The following NMRK2 variants were observed in gnomAD, a reference collection of about 807,000 sequenced individuals.
NMRK2 encodes the protein nicotinamide riboside kinase 2.
NMRK2 carries 34 observed loss-of-function variants against 24.7 expected under a neutral mutation model. The observed-to-expected ratio is 1.37, with a 90% CI of 1.05 to 1.83. The LOEUF (loss-of-function observed/expected upper bound fraction) is 1.83. Ranked by LOEUF, NMRK2 falls within the 40% of genes most tolerant of loss-of-function variation. The pLI is 0.00. For synonymous variants in NMRK2, 145 were observed against 125.6 expected, an observed-to-expected ratio of 1.15 and a Z score of -1.03; for missense variants, 341 against 315.0, an observed-to-expected ratio of 1.08 and a Z score of -0.62.
chr19:3,940,962 C>A, intron 6 of NMRK2, 109 bp from the exon 7 acceptor site: 1 of 688,670 alleles, frequency 1.5e-6, no homozygotes, highest in Non-Finnish European at 2.5e-6. Flanking sequence ...GGTCCCCTTG[C>A]TCAGAGGTTC....
chr19:3,939,181 G>C (rs1159004071), intron 5 of NMRK2, among the ~76,000 whole-genome samples: 2 of 150,494 alleles, frequency 1.3e-5, no homozygotes, highest in Non-Finnish European at 3.0e-5. Context: ...GGAGACCCAG[G>C]AGCAGAGCCA....
chr19:3,937,745 C>T (rs1277990406), intron 4 of NMRK2, among the ~76,000 whole-genome samples: 1 of 107,510 alleles, frequency 9.3e-6, no homozygotes. Context: ...CCCCGGGGTC[C>T]GCCCTCCTGC....
In NMRK2 at chr19:3,941,087, G is replaced by T. The variant is rs1383674547; in HGVS notation, c.412G>T (p.Val138Phe). Reference sequence around the variant, plus strand: ...CCTCTGCAGTACCCGCAACTACACAGTCCCTGATCCCCCCGGCCTCTTCGA... The same window carrying T: ...CCTCTGCAGTACCCGCAACTACACATTCCCTGATCCCCCCGGCCTCTTCGA... ...KWRRSTRNYTVPDPPGLFDGH... is the reference protein window; with the variant it reads ...KWRRSTRNYTFPDPPGLFDGH... The change falls in exon 7 of 8, where the codon GTC becomes TTC. Residue 138 changes from valine to phenylalanine, a missense_variant. By Grantham distance (50) the Val-to-Phe change is conservative. Coordinates refer to ENST00000168977, the MANE Select transcript of NMRK2 (RefSeq NM_170678.3). 1 of 1,613,266 alleles carries T rather than the reference G, an allele frequency of 6.2e-7. No individual in the cohort carries two copies. Among genetic ancestry groups the T allele is most frequent in the East Asian group, 2.2e-5 (1 of 44,870 alleles).
At chr19:3,941,937 G>T (rs551747052) in intron 7 of NMRK2, 146 bp from the exon 8 acceptor site, 6 of 638,642 alleles carry the variant, frequency 9.4e-6, no homozygotes, top group Non-Finnish European at 1.6e-5. Context: ...CACCGCGCCC[G>T]GCCCCCTCTT....
At position 3,941,486 on chromosome 19, in the gene NMRK2, T is replaced by C. The variant is rs553426804; in HGVS notation, c.502+309T>C. Among the ~76,000 whole-genome samples, 7 of 147,918 alleles carry C rather than the reference T, an allele frequency of 4.7e-5. No individual in the cohort carries two copies. In the South Asian group the frequency reaches 1.5e-3, roughly 32 times the overall value. Reference sequence around the variant, plus strand: ...CAGGCTGGTCTCGAACTCCTGACCTTAGGTGATCTGCCCTCCTTGGTCTCC... The same window carrying C: ...CAGGCTGGTCTCGAACTCCTGACCTCAGGTGATCTGCCCTCCTTGGTCTCC... On this transcript the variant is annotated intron_variant, in intron 7 of 7. Transcript: ENST00000168977.
chr19:3,935,541 C>T (rs2039199017), intron 2 of NMRK2, among the ~76,000 whole-genome samples: 1 of 151,878 alleles, frequency 6.6e-6, no homozygotes, highest in African/African-American at 2.4e-5. Context: ...CAGGCATGAC[C>T]CACCACGACC....
chr19:3,934,024 G>A (rs938410617), intron 2 of NMRK2, among the ~76,000 whole-genome samples: 4 of 152,128 alleles, frequency 2.6e-5, no homozygotes, highest in Non-Finnish European at 5.9e-5. Flanking sequence ...GAGGCGGGTG[G>A]ATCACCTGAG....
intron 1 of NMRK2, 137 bp from the exon 2 acceptor site, chr19:3,933,321 G>T: frequency 3.0e-6 from 1 of 334,452 alleles, no homozygotes; most frequent in Non-Finnish European, 5.5e-6. Flanking sequence ...GGAAGAGGGT[G>T]GGGGTGGAGA....
At chr19:3,940,062 GGGGGC>G in intron 6 of NMRK2, 91 bp downstream of exon 6, 1 of 1,138,168 alleles carries the variant, frequency 8.8e-7, no homozygotes, top group East Asian at 2.6e-5. Context: ...AAATGCCACT[GGGGGC>G]TGGGCACAGT....
chr19:3,936,510 C>G (rs2039216160), intron 2 of NMRK2, 65 bp from the exon 3 acceptor site: 3 of 1,275,218 alleles, frequency 2.4e-6, no homozygotes, highest in Admixed American at 2.4e-5. Context: ...CTCAGGCCCC[C>G]TTCTGAGCAC....
Position 3,942,161 on chromosome 19 carries a change from G to GCTCCCAGGAATCAGCCCC in NMRK2, c.587_604dup (p.Gln196_Ser201dup), listed in dbSNP as rs1403728523. 3 of 1,613,132 alleles carry GCTCCCAGGAATCAGCCCC rather than the reference G, an allele frequency of 1.9e-6. No individual in the cohort carries two copies. Among genetic ancestry groups the GCTCCCAGGAATCAGCCCC allele is most frequent in the African/African-American group, 1.3e-5 (1 of 74,924 alleles). ...GACATTCAGAACTCGCTGCTGAACC[G>GCTCCCAGGAATCAGCCCC]CTCCCAGGAATCAGCCCCCTCCCCG... On this transcript the variant is annotated inframe_insertion, in exon 8 of 8. Transcript: ENST00000168977.
chr19:3,934,434 ACTCT>A (rs1568178168), intron 2 of NMRK2, among the ~76,000 whole-genome samples: 2 of 151,414 alleles, frequency 1.3e-5, no homozygotes, highest in Non-Finnish European at 2.9e-5. Context: ...AGAGATTCAA[ACTCT>A]CTGTAACCAG....
At chr19:3,940,734 CAAAAAAAA>C (rs752138779) in intron 6 of NMRK2, among the ~76,000 whole-genome samples, 1 of 74,386 alleles carries the variant, frequency 1.3e-5, no homozygotes, top group South Asian at 5.9e-4. Context: ...GATTCCATCT[CAAAAAAAA>C]AAAAAAAAAA....
chr19:3,935,355 A>G (rs1361637281), intron 2 of NMRK2, among the ~76,000 whole-genome samples: 1 of 148,612 alleles, frequency 6.7e-6, no homozygotes, highest in Non-Finnish European at 1.5e-5. Context: ...TCCTGAGTTC[A>G]AGCGATTATC....
At chr19:3,940,335 CAAAAAAAAAAAAAAA>C (rs978999079) in intron 6 of NMRK2, among the ~76,000 whole-genome samples, 3 of 30,996 alleles carry the variant, frequency 9.7e-5, no homozygotes, top group Admixed American at 3.4e-4. Flanking sequence ...GACTCTGTCT[CAAAAAAAAAAAAAAA>C]AAAAAAAAAA....
chr19:3,938,849 G>GTT (rs59201914), intron 5 of NMRK2, 90 bp downstream of exon 5: 368 of 227,384 alleles, frequency 1.6e-3, no homozygotes, highest in Middle Eastern at 3.5e-3. Flanking sequence ...TTTTTGTTTT[G>GTT]TTTTTTTTTT....
At chr19:3,941,624 G>A (rs373236881) in intron 7 of NMRK2, among the ~76,000 whole-genome samples, 12 of 151,038 alleles carry the variant, frequency 7.9e-5, no homozygotes, top group African/African-American at 2.2e-4. Context: ...CGTGAGCCTC[G>A]CCCCCAGTCC....
chr19:3,936,419 AAAAG>A (rs1189960269), intron 2 of NMRK2, among the ~76,000 whole-genome samples, 152 bp from the exon 3 acceptor site: 2 of 151,180 alleles, frequency 1.3e-5, no homozygotes, highest in African/African-American at 4.8e-5. Context: ...AAAAAAAAGA[AAAAG>A]AATCAGAAAA....
chr19:3,938,845 T>TTG, intron 5 of NMRK2, 86 bp downstream of exon 5: 1 of 279,504 alleles, frequency 3.6e-6, no homozygotes, highest in Non-Finnish European at 4.6e-6. Context: ...TTTTTTTTTG[T>TTG]TTTGTTTTTT....
Sources: gnomAD v4.1 joint callset for allele counts (sites outside exome capture counted in the v4.1 genomes callset) on GRCh38, gnomAD v4.1.1 for gene constraint, MANE v1.5 for transcripts, NCBI Gene and HGNC (gene_info 2026-07-23, HGNC 2026-07-21) for gene names.